The following ZNF268 variants were observed in gnomAD, a reference collection of about 807,000 sequenced individuals.
ZNF268 encodes zinc finger protein 3.
A neutral mutation model predicts 29.3 loss-of-function variants in ZNF268; 20 were observed. The observed-to-expected ratio is 0.68, with a 90% CI of 0.48 to 0.99. ZNF268 has a LOEUF of 0.99. Ranked by LOEUF, ZNF268 falls within the 50% of genes least tolerant of loss-of-function variation. The pLI is 0.00. For synonymous variants in ZNF268, 429 were observed against 376.9 expected, an observed-to-expected ratio of 1.14 and a Z score of -1.60; for missense variants, 1,240 against 1,121.6, an observed-to-expected ratio of 1.11 and a Z score of -1.51.
intron 5 of ZNF268, among the ~76,000 whole-genome samples, chr12:133,200,959 T>G (rs1000593518): frequency 6.6e-6 from 1 of 152,124 alleles, no homozygotes; most frequent in East Asian, 1.9e-4. Flanking sequence ...TCTCTTCTCA[T>G]GTTCCCATGC....
At chr12:133,183,549 A>T (rs1241603692) in intron 2 of ZNF268, among the ~76,000 whole-genome samples, 2 of 151,930 alleles carry the variant, frequency 1.3e-5, no homozygotes, top group Admixed American at 1.3e-4. Flanking sequence ...ATTAGATTTC[A>T]TAACTAGTTG....
At chr12:133,183,363 A>G (rs1468094731) in intron 2 of ZNF268, among the ~76,000 whole-genome samples, 2 of 152,018 alleles carry the variant, frequency 1.3e-5, no homozygotes, top group Non-Finnish European at 2.9e-5. Flanking sequence ...GGCTGGGTGC[A>G]GTGGCTCCCA....
intron 2 of ZNF268, among the ~76,000 whole-genome samples, chr12:133,183,392 C>G (rs191168747): frequency 6.6e-6 from 1 of 151,062 alleles, no homozygotes; most frequent in African/African-American, 2.4e-5. Context: ...CCCTGTTACT[C>G]GGGAGGCTGA....
In ZNF268 at chr12:133,210,229, T is replaced by G. The variant is rs1406837096; in HGVS notation, c.*5699T>G. 1 of 152,716 alleles carries G rather than the reference T, an allele frequency of 6.5e-6. No homozygotes were observed. Among genetic ancestry groups the G allele is most frequent in the Non-Finnish European group, 1.5e-5 (1 of 68,438 alleles). The allele number at this position is 152,716 out of a possible 1,614,324, so 9.5% of individuals were successfully genotyped here. A position where few individuals can be genotyped will look rare whatever the true frequency, so the allele number is the denominator to read the frequency against. On this transcript the variant is annotated 3_prime_UTR_variant, in exon 6 of 6. Transcript: ENST00000536435. ...CCGGAAAGTGCACTGGTCGTCACTG[T>G]GGGTGTACCCTACAGGAGTCTTCAG...
At chr12:133,185,771 C>T (rs570810711) in intron 2 of ZNF268, among the ~76,000 whole-genome samples, 17 of 152,230 alleles carry the variant, frequency 1.1e-4, no homozygotes, top group African/African-American at 3.9e-4. Context: ...TAGGTGACCA[C>T]GTTCAGACAA....
At chr12:133,194,657 T>G (rs1012950601) in intron 5 of ZNF268, among the ~76,000 whole-genome samples, 13 of 152,214 alleles carry the variant, frequency 8.5e-5, no homozygotes, top group African/African-American at 3.1e-4. Context: ...CTATCTCCGT[T>G]GGCTCAGATA....
At position 133,198,084 on chromosome 12, in the gene ZNF268, C is replaced by G. The variant is rs1402806835; in HGVS notation, c.458-4060C>G. On this transcript the variant is annotated intron_variant, in intron 5 of 5. Transcript: ENST00000536435. ...TTGGCTTTTGTTGCCATTGCTTTTG[C>G]TGTTCTAGACATGAAGTCCTTGCCC... Among the ~76,000 whole-genome samples, 10 of 151,904 alleles carry G rather than the reference C, an allele frequency of 6.6e-5. No homozygotes were observed. In the East Asian group the frequency reaches 1.7e-3, roughly 26 times the overall value.
intron 5 of ZNF268, chr12:133,193,439 G>T: frequency 1.5e-6 from 1 of 682,754 alleles, no homozygotes; most frequent in Non-Finnish European, 2.6e-6. Flanking sequence ...TTTGAAGGCT[G>T]GAAAGTCCAA....
Position 133,213,704 on chromosome 12 carries a change from A to T in ZNF268, c.*9174A>T, listed in dbSNP as rs367600706. 92,959 of 134,266 alleles carry T rather than the reference A, an allele frequency of 0.69. 30,164 individuals are homozygous for T. Among genetic ancestry groups the T allele is most frequent in the East Asian group, 0.91 (4,454 of 4,890 alleles). The allele number at this position is 134,266 out of a possible 1,614,324, so 8.3% of individuals were successfully genotyped here. On this transcript the variant is annotated 3_prime_UTR_variant, in exon 6 of 6. Transcript: ENST00000536435. Reference sequence around the variant, plus strand: ...GAGCAAGAAAGCAAAATTCCATCTCAAAAAAAAAAAAAAGGCCGGGTGTGG... The same window carrying T: ...GAGCAAGAAAGCAAAATTCCATCTCTAAAAAAAAAAAAAGGCCGGGTGTGG...
rs992077347 is a variant in ZNF268, at chr12:133,210,482, GT to G, written c.*5953del. On this transcript the variant is annotated 3_prime_UTR_variant, in exon 6 of 6. Coordinates refer to ENST00000536435, the MANE Select transcript of ZNF268 (RefSeq NM_003415.3). ...GGATTTGCCCCACTAGGGTCCCTAG[GT>G]CAGTCCTGAAGAGAAACAAGCTCCA... 8.8e-6 allele frequency: 2 copies of G among 226,126 alleles called. No homozygotes were observed. The highest frequency in any genetic ancestry group is 1.8e-5 in the Non-Finnish European group (2 of 109,642). 14.0% of individuals were successfully genotyped at this position (226,126 alleles called of 1,614,324 possible).
In ZNF268 at chr12:133,210,099, A is replaced by G. The variant is rs961344327; in HGVS notation, c.*5569A>G. On this transcript the variant is annotated 3_prime_UTR_variant, in exon 6 of 6. Transcript: ENST00000536435. ...TATTACAGGGCAAAGTGAAACAGCA[A>G]AGCTCCCTCCTCAGCACTCAGGGTG... The G allele has an allele frequency of 6.6e-6, 1 of 152,248 alleles. No homozygotes were observed. The highest frequency in any genetic ancestry group is 1.5e-5 in the Non-Finnish European group (1 of 68,052). 9.4% of individuals were successfully genotyped at this position (152,248 alleles called of 1,614,324 possible). A position where few individuals can be genotyped will look rare whatever the true frequency, so the allele number is the denominator to read the frequency against.
At chr12:133,187,255 A>C (rs2135488510) in intron 2 of ZNF268, among the ~76,000 whole-genome samples, 1 of 130,928 alleles carries the variant, frequency 7.6e-6, no homozygotes, top group Admixed American at 7.3e-5. Context: ...TCCTAAATTT[A>C]ATCTTCATTT....
intron 2 of ZNF268, among the ~76,000 whole-genome samples, chr12:133,187,581 G>A (rs1317183423): frequency 6.6e-6 from 1 of 152,090 alleles, no homozygotes. Flanking sequence ...TTGGTTTGTG[G>A]CAGGAAGTCC....
At position 133,205,175 on chromosome 12, in the gene ZNF268, C is replaced by CAAA. The variant is rs1343948566; in HGVS notation, c.*647_*648insAAA. On this transcript the variant is annotated 3_prime_UTR_variant, in exon 6 of 6. Transcript: ENST00000536435. ...AAAAAAAAAAAAAAAAAAAAAAAAC[C>CAAA]AACCTGTTATTATATCTTAATATTA... is the stretch of plus-strand genomic sequence containing the variant. The CAAA allele has an allele frequency of 3.8e-3, 82 of 21,714 alleles. 4 individuals carry two copies. Among genetic ancestry groups the CAAA allele is most frequent in the African/African-American group, 4.8e-3 (51 of 10,660 alleles). 1.3% of individuals were successfully genotyped at this position (21,714 alleles called of 1,614,324 possible).
intron 3 of ZNF268, among the ~76,000 whole-genome samples, chr12:133,190,990 C>G (rs1956453608): frequency 6.6e-6 from 1 of 152,040 alleles, no homozygotes. Flanking sequence ...CATATCTGAG[C>G]ACTCTTGTAT....
chr12:133,205,891 T>C lies in ZNF268; in HGVS notation c.*1361T>C, dbSNP rs1171228431. ...GTCAGCTGAGGCTCAGAACTGTACA[T>C]TGTTAATGGGTTTTTCAAGTTCAGA... On this transcript the variant is annotated 3_prime_UTR_variant, in exon 6 of 6. Coordinates refer to ENST00000536435, the MANE Select transcript of ZNF268 (RefSeq NM_003415.3). 6.6e-6 allele frequency: 1 copy of C among 152,222 alleles called. No homozygotes were observed. The highest frequency in any genetic ancestry group is 1.5e-5 in the Non-Finnish European group (1 of 68,042). 9.4% of individuals were successfully genotyped at this position (152,222 alleles called of 1,614,324 possible).
chr12:133,205,778 C>T lies in ZNF268; in HGVS notation c.*1248C>T, dbSNP rs924913279. ...ACAGGTTAGAACATCTTGATTTCCT[C>T]TTAACGAAACATTCCCTAACGGTGT... On this transcript the variant is annotated 3_prime_UTR_variant, in exon 6 of 6. Transcript: ENST00000536435. 1 of 152,178 alleles carries T rather than the reference C, an allele frequency of 6.6e-6. No homozygotes were observed. Among genetic ancestry groups the T allele is most frequent in the Non-Finnish European group, 1.5e-5 (1 of 68,038 alleles). 9.4% of individuals were successfully genotyped at this position (152,178 alleles called of 1,614,324 possible).
rs752338496 is a variant in ZNF268, at chr12:133,204,323, CATT to C, written c.2638_2640del (p.Ile880del). 2.6e-6 allele frequency: 4 copies of C among 1,562,810 alleles called. No homozygotes were observed. In the East Asian group the frequency reaches 7.1e-5, roughly 28 times the overall value. On this transcript the variant is annotated inframe_deletion, in exon 6 of 6. Coordinates refer to ENST00000536435, the MANE Select transcript of ZNF268 (RefSeq NM_003415.3). ...AAGCCTTCATTAGGAATTCTCAACT[CATT>C]GTACATCAAAGAACTCATTCAGGAG... is the stretch of plus-strand genomic sequence containing the variant.
rs1335998597 is a variant in ZNF268 at position 133,203,534 on chromosome 12, G to A, written c.1848G>A (p.Glu616=). The change falls in exon 6 of 6, where the codon GAG becomes GAA. Residue 616 remains glutamate (E), a synonymous_variant. Coordinates refer to ENST00000536435, the MANE Select transcript of ZNF268 (RefSeq NM_003415.3). The part of the protein sequence containing the change: ...HTGEKPFECS[E]CQKAFNTKSN... Reference sequence around the variant, plus strand: ...GGGAGAAACCATTTGAATGTAGTGAGTGTCAGAAAGCCTTTAATACAAAGT... The same window carrying A: ...GGGAGAAACCATTTGAATGTAGTGAATGTCAGAAAGCCTTTAATACAAAGT... The A allele has an allele frequency of 6.5e-7, 1 of 1,549,478 alleles. No individual in the cohort carries two copies.
Sources: gnomAD v4.1 joint callset for allele counts (sites outside exome capture counted in the v4.1 genomes callset) on GRCh38, gnomAD v4.1.1 for gene constraint, MANE v1.5 for transcripts, NCBI Gene and HGNC (gene_info 2026-07-23, HGNC 2026-07-21) for gene names.